Variants in AP3D1 observed in about 807,000 individuals in gnomAD.
AP3D1 encodes the protein adaptor related protein complex 3 subunit delta 1, also known as AP-3 complex subunit delta-1.
In AP3D1, 51 loss-of-function variants were observed where a neutral mutation model predicts 147.6. The observed-to-expected ratio is 0.35, with a 90% CI of 0.28 to 0.44. The LOEUF (loss-of-function observed/expected upper bound fraction) is 0.44. Among genes scored for constraint, AP3D1 ranks in the 20% least tolerant of loss-of-function variants. The pLI is 1.00. For synonymous variants in AP3D1, 760 were observed against 663.0 expected, an observed-to-expected ratio of 1.15 and a Z score of -2.25; for missense variants, 1,421 against 1,624.2, an observed-to-expected ratio of 0.87 and a Z score of 2.15.
In AP3D1 at chr19:2,130,549, C is replaced by T. The variant is rs200756493; in HGVS notation, c.463-12G>A. 1.5e-5 allele frequency: 24 copies of T among 1,613,404 alleles called. No homozygotes were observed. Among genetic ancestry groups the T allele is most frequent in the East Asian group, 8.9e-5 (4 of 44,866 alleles). On this transcript the variant is annotated splice_polypyrimidine_tract_variant and intron_variant, in intron 5 of 31. Transcript: ENST00000643116. The stretch of plus-strand genomic sequence containing the variant: ...TTGGTGTGTGACATCTGCGGGGCAG[C>T]GGGCTTCAGCCTGCGCGGGCTTTCT...
rs747887629 is a variant in AP3D1 at position 2,127,059 on chromosome 19, C to T, written c.856+93G>A. The T allele has an allele frequency of 3.5e-5, 49 of 1,389,446 alleles. 1 individual carries two copies. Among genetic ancestry groups the T allele is most frequent in the African/African-American group, 8.6e-5 (6 of 70,052 alleles). 86.1% of individuals were successfully genotyped at this position (1,389,446 alleles called of 1,614,324 possible). A position where few individuals can be genotyped will look rare whatever the true frequency, so the allele number is the denominator to read the frequency against. On this transcript the variant is annotated intron_variant, in intron 9 of 31. Coordinates refer to ENST00000643116, the MANE Select transcript of AP3D1 (RefSeq NM_001261826.3). ...TCTCAGTTCCAGCAGGGGTGGCGCT[C>T]GGAGACACCAGGCCTGGCGCCCTCC...
At chr19:2,124,946 C>A (rs373645345) in intron 9 of AP3D1, among the ~76,000 whole-genome samples, 2 of 152,056 alleles carry the variant, frequency 1.3e-5, no homozygotes, top group Non-Finnish European at 2.9e-5. Context: ...CGATCCCCCC[C>A]ACCGCCCCAA....
At chr19:2,127,463 C>T (rs747431165) in intron 8 of AP3D1, among the ~76,000 whole-genome samples, 15 of 152,264 alleles carry the variant, frequency 9.9e-5, no homozygotes, top group African/African-American at 3.4e-4. Flanking sequence ...CACGCACCCC[C>T]GGCGGCCTGT....
chr19:2,139,546 A>G (rs945870409), intron 1 of AP3D1, among the ~76,000 whole-genome samples: 4 of 152,338 alleles, frequency 2.6e-5, no homozygotes, highest in African/African-American at 7.2e-5. Flanking sequence ...TGAGGCGCCC[A>G]ACATAGCACC....
At chr19:2,131,957 G>A (rs891014316) in intron 5 of AP3D1, among the ~76,000 whole-genome samples, 1 of 152,254 alleles carries the variant, frequency 6.6e-6, no homozygotes, top group African/African-American at 2.4e-5. Flanking sequence ...TCTGGCTACT[G>A]TGTTTTAAAT....
At chr19:2,103,133 TAAAA>T (rs1025450490) in intron 31 of AP3D1, among the ~76,000 whole-genome samples, 1 of 151,938 alleles carries the variant, frequency 6.6e-6, no homozygotes, top group African/African-American at 2.4e-5. Flanking sequence ...TCAAAAAAAT[TAAAA>T]AACAAACAAA....
chr19:2,141,570 T>G (rs961843229), intron 1 of AP3D1, among the ~76,000 whole-genome samples: 1 of 151,494 alleles, frequency 6.6e-6, no homozygotes, highest in African/African-American at 2.4e-5. Flanking sequence ...GCCTCCCGAG[T>G]GGCTACGATT....
intron 1 of AP3D1, among the ~76,000 whole-genome samples, chr19:2,156,835 G>A (rs1037992963): frequency 4.6e-5 from 7 of 151,182 alleles, no homozygotes; most frequent in Non-Finnish European, 7.4e-5. Flanking sequence ...ATGACAGAGC[G>A]AGACTCTGTC....
At chr19:2,155,075 G>A (rs978606850), upstream of AP3D1, among the ~76,000 whole-genome samples, 2 of 152,188 alleles carry the variant, frequency 1.3e-5, no homozygotes, top group Non-Finnish European at 2.9e-5. Flanking sequence ...AGCTACTTCC[G>A]GAGGCTGAGG....
intron 9 of AP3D1, among the ~76,000 whole-genome samples, chr19:2,126,653 A>C (rs1159495128): frequency 8.5e-6 from 1 of 118,064 alleles, no homozygotes; most frequent in African/African-American, 3.6e-5. Flanking sequence ...ACTCTGCCTC[A>C]AAAAAAAAAA....
At chr19:2,111,577 A>G in intron 25 of AP3D1, 102 bp downstream of exon 25, 1 of 1,424,958 alleles carries the variant, frequency 7.0e-7, no homozygotes, top group Non-Finnish European at 9.4e-7. Context: ...TTCTTCTCGA[A>G]TCTGCTCAGT....
intron 16 of AP3D1, 31 bp downstream of exon 16, chr19:2,117,191 G>A (rs1026634961): frequency 1.9e-6 from 3 of 1,558,664 alleles, no homozygotes; most frequent in Non-Finnish European, 2.6e-6. Context: ...TCAGGGCCAT[G>A]GTTGCAATGC....
In AP3D1 at chr19:2,101,976, A is replaced by G. The variant is rs2017966051; in HGVS notation, c.*197T>C. On this transcript the variant is annotated 3_prime_UTR_variant, in exon 32 of 32. Transcript: ENST00000643116. The stretch of plus-strand genomic sequence containing the variant: ...GGACTTCTTGCCAAAGAGAATGGGA[A>G]GAGTCACAGTAAAAAAGGATGGTCA... 1 of 561,538 alleles carries G rather than the reference A, an allele frequency of 1.8e-6. No homozygotes were observed. Among genetic ancestry groups the G allele is most frequent in the Non-Finnish European group, 3.1e-6 (1 of 317,638 alleles). 34.8% of individuals were successfully genotyped at this position (561,538 alleles called of 1,614,324 possible). A position where few individuals can be genotyped will look rare whatever the true frequency, so the allele number is the denominator to read the frequency against.
chr19:2,115,432 G>A lies in AP3D1; in HGVS notation c.2150-14C>T. ...ACATAGGCAGCCCTGCGGGCCGGCA[G>A]CGGGCAGCCACTCAGCACTGCACCC... On this transcript the variant is annotated splice_polypyrimidine_tract_variant and intron_variant, in intron 19 of 31. Transcript: ENST00000643116. The A allele has an allele frequency of 6.2e-7, 1 of 1,607,762 alleles. No homozygotes were observed. Among genetic ancestry groups the A allele is most frequent in the Non-Finnish European group, 8.5e-7 (1 of 1,179,524 alleles).
chr19:2,129,633 G>C (rs1169287827), intron 6 of AP3D1, among the ~76,000 whole-genome samples, 176 bp from the exon 7 acceptor site: 1 of 152,220 alleles, frequency 6.6e-6, no homozygotes, highest in Non-Finnish European at 1.5e-5. Context: ...TGATCCTCCA[G>C]GGAACAGGCC....
chr19:2,155,111 G>A (rs1168426086), upstream of AP3D1, among the ~76,000 whole-genome samples: 5 of 152,264 alleles, frequency 3.3e-5, no homozygotes, highest in East Asian at 9.6e-4. Flanking sequence ...AACCCAGGAG[G>A]TGGAGGTTGC....
rs371472619 is a variant in AP3D1, at chr19:2,112,971, C to T, written c.2680-4G>A. On this transcript the variant is annotated splice_region_variant and splice_polypyrimidine_tract_variant and intron_variant, in intron 23 of 31. Transcript: ENST00000643116. Reference sequence around the variant, plus strand: ...CAGTGTTCACACTGAGCTCCCCCTGCAGGGAGCCAGGGCTTGGGGCTCATG... The same window carrying T: ...CAGTGTTCACACTGAGCTCCCCCTGTAGGGAGCCAGGGCTTGGGGCTCATG... 3.1e-6 allele frequency: 5 copies of T among 1,603,968 alleles called. No individual in the cohort carries two copies. Among genetic ancestry groups the T allele is most frequent in the African/African-American group, 2.7e-5 (2 of 74,842 alleles).
intron 8 of AP3D1, 52 bp from the exon 9 acceptor site, chr19:2,127,253 T>A: frequency 6.3e-7 from 1 of 1,594,922 alleles, no homozygotes; most frequent in Non-Finnish European, 8.6e-7. Flanking sequence ...CCTCGTCAGA[T>A]GCAGTGACCC....
intron 12 of AP3D1, 100 bp from the exon 13 acceptor site, chr19:2,121,411 C>G: frequency 7.0e-7 from 1 of 1,428,156 alleles, no homozygotes; most frequent in Non-Finnish European, 9.6e-7. Context: ...CCACGGGACA[C>G]AGGCGGACCC....
Sources: allele counts gnomAD v4.1 joint callset (sites outside exome capture counted in the v4.1 genomes callset), GRCh38; gene constraint gnomAD v4.1.1; transcripts MANE v1.5; gene names NCBI Gene and HGNC (gene_info 2026-07-23, HGNC 2026-07-21).